The following PIGG variants were observed in gnomAD, a reference collection of about 807,000 sequenced individuals.
PIGG encodes phosphatidylinositol glycan anchor biosynthesis class G (EMM blood group).
In PIGG, 70 loss-of-function variants were observed where a neutral mutation model predicts 83.2. The ratio of observed to expected loss-of-function variants is 0.84; its 90% CI spans 0.69 to 1.03. The LOEUF is 1.03. Ranked by LOEUF, PIGG falls within the 50% of genes least tolerant of loss-of-function variation. PIGG has a pLI of 0.00. For synonymous variants in PIGG, 532 were observed against 519.5 expected (o/e 1.02, Z -0.33); for missense variants, 1,257 against 1,233.6 (o/e 1.02, Z -0.28).
intron 11 of PIGG, chr4:532,886 T>A (rs545572055): frequency 6.5e-6 from 1 of 152,880 alleles, no homozygotes; most frequent in Non-Finnish European, 1.5e-5. Context: ...AGGCGGGGCC[T>A]GGGAGCAGAG....
At position 516,854 on chromosome 4, in the gene PIGG, CAAAAAAAA is replaced by C. The variant is rs1178401194; in HGVS notation, c.1114+686_1114+693del. ...CTGGCAACAGAGCAAGACTCTGCCT[CAAAAAAAA>C]AAAAAAAAAAAAAAAAGAAGGAATA... On this transcript the variant is annotated intron_variant, in intron 6 of 12. Coordinates refer to ENST00000453061, the MANE Select transcript of PIGG (RefSeq NM_001127178.3). Among the ~76,000 whole-genome samples, 5 of 46,520 alleles carry C rather than the reference CAAAAAAAA, an allele frequency of 1.1e-4. No homozygotes were observed. The South Asian group carries it at 2.5e-3, about 23-fold the overall frequency. 30.5% of individuals were successfully genotyped at this position (46,520 alleles called of 152,430 possible).
chr4:504,780 A>G (rs1426803942), intron 2 of PIGG, among the ~76,000 whole-genome samples: 1 of 152,072 alleles, frequency 6.6e-6, no homozygotes, highest in Non-Finnish European at 1.5e-5. Context: ...ATGGCCTCTT[A>G]GGTTCTATGC....
At chr4:508,750 A>C in intron 4 of PIGG, 79 bp from the exon 5 acceptor site, 1 of 1,384,042 alleles carries the variant, frequency 7.2e-7, no homozygotes, top group Non-Finnish European at 1.0e-6. Context: ...AGTAAAGCTA[A>C]AACCGAAAAT....
rs1723489467 is a variant in PIGG, at chr4:515,369, C to T, written c.902-604C>T. 6.6e-6 allele frequency among the ~76,000 whole-genome samples: 1 copy of T among 152,258 alleles called. No homozygotes were observed. Among genetic ancestry groups the T allele is most frequent in the Admixed American group, 6.5e-5 (1 of 15,288 alleles). ...TCTTGCAAGGAGATGGTAGGATAGCCACTCACTGTTCAGGCTTGAGCTTTA... is the reference window on the plus strand; with the variant it reads ...TCTTGCAAGGAGATGGTAGGATAGCTACTCACTGTTCAGGCTTGAGCTTTA... On this transcript the variant is annotated intron_variant, in intron 5 of 12. Coordinates refer to ENST00000453061, the MANE Select transcript of PIGG (RefSeq NM_001127178.3). This position sits in a 1 kb window ranked among gnomAD's most constrained non-coding sequence, Gnocchi z 4.2.
Position 537,015 on chromosome 4 carries a change from G to A in PIGG, c.2736-2138G>A, listed in dbSNP as rs1222402073. The stretch of plus-strand genomic sequence containing the variant: ...CACGTTTGTGTTTGGGAGGGAAAAA[G>A]ACAAATATTAAGTGAGGTGAAAGCA... On this transcript the variant is annotated intron_variant, in intron 12 of 12. Coordinates refer to ENST00000453061, the MANE Select transcript of PIGG (RefSeq NM_001127178.3). The A allele has an allele frequency of 2.6e-5, 4 of 152,370 alleles. No homozygotes were observed. The South Asian group carries it at 6.2e-4, about 24-fold the overall frequency. 9.4% of individuals were successfully genotyped at this position (152,370 alleles called of 1,614,324 possible).
intron 10 of PIGG, 138 bp from the exon 11 acceptor site, chr4:530,298 G>A (rs543430702): frequency 7.8e-6 from 5 of 641,976 alleles, no homozygotes; most frequent in South Asian, 7.7e-5. Context: ...GGGGTAGGGA[G>A]GGTGCCGCGG....
At chr4:519,270 C>A (rs1310202145) in intron 6 of PIGG, among the ~76,000 whole-genome samples, 1 of 152,238 alleles carries the variant, frequency 6.6e-6, no homozygotes, top group Non-Finnish European at 1.5e-5. Context: ...GCAAGGATTG[C>A]ACCTGCTTGC....
At chr4:539,097 A>G in intron 12 of PIGG, 56 bp from the exon 13 acceptor site, 1 of 1,110,382 alleles carries the variant, frequency 9.0e-7, no homozygotes, top group Non-Finnish European at 1.4e-6. Context: ...AAGTGTTGTT[A>G]CATGTGTGAT....
At position 499,419 on chromosome 4, in the gene PIGG, C is replaced by T. The variant is rs781839116; in HGVS notation, c.84C>T (p.Phe28=). The T allele has an allele frequency of 3.1e-6, 5 of 1,608,202 alleles. No homozygotes were observed. The highest frequency in any genetic ancestry group is 2.7e-5 in the African/African-American group (2 of 74,922). ...LGIAVFLRGF[F]PAPVRSSARA... is the part of the protein sequence containing the mutation. Reference sequence around the variant, plus strand: ...TCGCGGTCTTCCTTCGGGGATTCTTCCCGGCTCCCGTTCGTTCCTCTGCCA... The same window carrying T: ...TCGCGGTCTTCCTTCGGGGATTCTTTCCGGCTCCCGTTCGTTCCTCTGCCA... The change falls in exon 1 of 13, where the codon TTC becomes TTT. Residue 28 remains phenylalanine, a synonymous_variant. Transcript: ENST00000453061.
intron 6 of PIGG, among the ~76,000 whole-genome samples, 193 bp downstream of exon 6, chr4:516,378 G>A (rs1387044957): frequency 1.3e-5 from 2 of 152,190 alleles, no homozygotes; most frequent in Non-Finnish European, 2.9e-5. Context: ...CTCAGATGCA[G>A]TTATCTAAAG....
Position 499,367 on chromosome 4 carries a change from G to T in PIGG, c.32G>T (p.Cys11Phe), listed in dbSNP as rs202053646. MRLGSGTFATCCVAIEVLGIA... is the reference protein window; with the variant it reads MRLGSGTFATFCVAIEVLGIA... The stretch of plus-strand genomic sequence containing the variant: ...CTGGGCTCCGGGACTTTCGCTACCT[G>T]TTGCGTAGCGATCGAGGTGCTAGGG... The change falls in exon 1 of 13, where the codon TGT becomes TTT. Residue 11 changes from cysteine (C) to phenylalanine (F), a missense_variant. Cys to Phe is a radical substitution (Grantham distance 205). Coordinates refer to ENST00000453061, the MANE Select transcript of PIGG (RefSeq NM_001127178.3). 1.1e-4 allele frequency: 174 copies of T among 1,609,944 alleles called. No individual in the cohort carries two copies. Among genetic ancestry groups the T allele is most frequent in the Non-Finnish European group, 7.6e-6 (9 of 1,179,920 alleles).
rs549380649 is a variant in PIGG at position 523,617 on chromosome 4, A to G, written c.1773A>G (p.Gln591=). The G allele has an allele frequency of 6.2e-7, 1 of 1,614,204 alleles. No individual in the cohort carries two copies. Among genetic ancestry groups the G allele is most frequent in the Non-Finnish European group, 8.5e-7 (1 of 1,180,032 alleles). The part of the protein sequence containing the change: ...LVNTLCLALS[Q]ETYRNYFLGD... The stretch of plus-strand genomic sequence containing the variant: ...ACACCCTGTGTCTAGCTCTGAGCCA[A>G]GAAACCTACAGAAACTACTTTCTGG... The change falls in exon 9 of 13, where the codon CAA becomes CAG. Residue 591 remains glutamine, a synonymous_variant. Coordinates refer to ENST00000453061, the MANE Select transcript of PIGG (RefSeq NM_001127178.3).
intron 2 of PIGG, among the ~76,000 whole-genome samples, chr4:505,199 T>C (rs1385581526): frequency 3.3e-5 from 5 of 152,164 alleles, no homozygotes; most frequent in African/African-American, 1.2e-4. Context: ...TCGCTATCCC[T>C]AGCCGCCTCC....
Position 523,616 on chromosome 4 carries a change from A to C in PIGG, c.1772A>C (p.Gln591Pro), listed in dbSNP as rs760345156. ...LVNTLCLALS[Q>P]ETYRNYFLGD... is the part of the protein sequence containing the mutation. ...AACACCCTGTGTCTAGCTCTGAGCC[A>C]AGAAACCTACAGAAACTACTTTCTG... The change falls in exon 9 of 13, where the codon CAA becomes CCA. Residue 591 changes from glutamine to proline, a missense_variant. Coordinates refer to ENST00000453061, the MANE Select transcript of PIGG (RefSeq NM_001127178.3). 6.2e-7 allele frequency: 1 copy of C among 1,614,208 alleles called. No homozygotes were observed. The highest frequency in any genetic ancestry group is 1.3e-5 in the African/African-American group (1 of 75,056).
At chr4:523,193 G>T (rs1392433113) in intron 8 of PIGG, among the ~76,000 whole-genome samples, 1 of 152,206 alleles carries the variant, frequency 6.6e-6, no homozygotes, top group Non-Finnish European at 1.5e-5. Flanking sequence ...TTGGAGTCCA[G>T]TGTGAGAACA....
In PIGG at chr4:521,122, A is replaced by T. The variant is rs997451009; in HGVS notation, c.1181A>T (p.Glu394Val). The change falls in exon 7 of 13, where the codon GAG becomes GTG. Residue 394 changes from glutamate to valine, a missense_variant. Coordinates refer to ENST00000453061, the MANE Select transcript of PIGG (RefSeq NM_001127178.3). Reference protein sequence around the residue: ...LHGNWIRLYLEEKHSEVLFNL... With the variant: ...LHGNWIRLYLVEKHSEVLFNL... ...GGGAACTGGATCAGACTGTACTTGGAGGAAAAGCATTCAGAAGTCCTATTC... is the reference window on the plus strand; with the variant it reads ...GGGAACTGGATCAGACTGTACTTGGTGGAAAAGCATTCAGAAGTCCTATTC... 6.2e-7 allele frequency: 1 copy of T among 1,614,142 alleles called. No homozygotes were observed. The highest frequency in any genetic ancestry group is 8.5e-7 in the Non-Finnish European group (1 of 1,179,984).
At chr4:535,351 G>A (rs550533193) in intron 12 of PIGG, among the ~76,000 whole-genome samples, 2 of 116,622 alleles carry the variant, frequency 1.7e-5, no homozygotes, top group South Asian at 2.6e-4. Flanking sequence ...CGTGCTCCAC[G>A]CTTGTCCCTG....
intron 5 of PIGG, among the ~76,000 whole-genome samples, chr4:514,652 C>T (rs964225736): frequency 3.3e-5 from 5 of 152,140 alleles, no homozygotes; most frequent in African/African-American, 4.8e-5. Context: ...ATAAAATGAT[C>T]TTGTGTTTGT....
In PIGG at chr4:505,922, A is replaced by C. The variant is rs1719512243; in HGVS notation, c.565A>C (p.Thr189Pro). ...AACCTCATTTTTCGTGTCAGATTAC[A>C]CAGAGGTCAGTTTTTAAAATAAGAA... ...GTTSFFVSDY[T>P]EVDNNVTRHL... Residue 189 changes from threonine (T) to proline (P), a missense_variant, in exon 3 of 13, where the codon ACA becomes CCA. Coordinates refer to ENST00000453061, the MANE Select transcript of PIGG (RefSeq NM_001127178.3). 2 of 1,607,684 alleles carry C rather than the reference A, an allele frequency of 1.2e-6. No individual in the cohort carries two copies. Among genetic ancestry groups the C allele is most frequent in the South Asian group, 1.1e-5 (1 of 90,878 alleles).
Sources: gnomAD v4.1 joint callset for allele counts (sites outside exome capture counted in the v4.1 genomes callset) on GRCh38, gnomAD v4.1.1 for gene constraint, Gnocchi (gnomAD v3.1) non-coding constraint, MANE v1.5 for transcripts, NCBI Gene and HGNC (gene_info 2026-07-23, HGNC 2026-07-21) for gene names.